Variants in ABLIM3 observed in about 807,000 individuals in gnomAD.
The protein encoded by ABLIM3 is actin-binding LIM protein 3.
In ABLIM3, 61 loss-of-function variants were observed where a neutral mutation model predicts 109.5. The ratio of observed to expected loss-of-function variants is 0.56; its 90% CI spans 0.45 to 0.69. The LOEUF (loss-of-function observed/expected upper bound fraction) is 0.69, where lower values mean the gene tolerates loss of function less well. ABLIM3 is among the 30% of genes least tolerant of loss of function. The pLI is 0.00. For synonymous variants in ABLIM3, 300 were observed against 324.8 expected, an observed-to-expected ratio of 0.92 and a Z score of 0.82; for missense variants, 796 against 889.5, an observed-to-expected ratio of 0.89 and a Z score of 1.34.
At position 149,207,121 on chromosome 5, in the gene ABLIM3, G is replaced by A. The variant is rs267600482; in HGVS notation, c.562G>A (p.Glu188Lys). ...GACCTGCAGCGTCATCCTCACCGGG[G>A]AGTATATCAGCAAGTGGGTCCCCCT... The part of the protein sequence containing the change: ...CQTCSVILTG[E>K]YISKDGVPYC... The change falls in exon 6 of 24, where the codon GAG becomes AAG. Residue 188 changes from glutamate to lysine, a missense_variant. Transcript: ENST00000309868. The A allele has an allele frequency of 6.2e-7, 1 of 1,613,658 alleles. No individual in the cohort carries two copies. Among genetic ancestry groups the A allele is most frequent in the Non-Finnish European group, 8.5e-7 (1 of 1,179,780 alleles).
At chr5:149,253,895 A>T (rs1225411035) in intron 23 of ABLIM3, among the ~76,000 whole-genome samples, 1 of 152,192 alleles carries the variant, frequency 6.6e-6, no homozygotes, top group Non-Finnish European at 1.5e-5. Flanking sequence ...TTTATAAAGA[A>T]AAAAAGGTTT....
At position 149,216,617 on chromosome 5, in the gene ABLIM3, C is replaced by T. The variant is rs186525025; in HGVS notation, c.670-342C>T. On this transcript the variant is annotated intron_variant, in intron 7 of 23. Transcript: ENST00000309868. Reference sequence around the variant, plus strand: ...TAACATTAGTGGTAAGGGCCTCTCACTTGGGGAAATGCTGGGATGTCCTCA... The same window carrying T: ...TAACATTAGTGGTAAGGGCCTCTCATTTGGGGAAATGCTGGGATGTCCTCA... The T allele has an allele frequency of 1.2e-4, 29 of 249,370 alleles. 1 individual carries two copies. In the Admixed American group the frequency reaches 1.3e-3, roughly 11 times the overall value. 15.4% of individuals were successfully genotyped at this position (249,370 alleles called of 1,614,324 possible).
At chr5:149,200,477 G>A (rs1261772514) in intron 5 of ABLIM3, 49 bp downstream of exon 5, 3 of 1,583,384 alleles carry the variant, frequency 1.9e-6, no homozygotes, top group African/African-American at 1.3e-5. Context: ...TGATCTCTCT[G>A]GGCTCCCCTT....
At chr5:149,175,167 C>T (rs6871775) in intron 2 of ABLIM3, among the ~76,000 whole-genome samples, 46,435 of 152,026 alleles carry the variant, frequency 0.31, 7,389 homozygotes, top group East Asian at 0.51. Context: ...TTCTTTATTC[C>T]TCAGATACTT....
At chr5:149,151,269 GGGACACCCGTCACATTGGATTA>G in intron 2 of ABLIM3, among the ~76,000 whole-genome samples, 1 of 152,228 alleles carries the variant, frequency 6.6e-6, no homozygotes, top group East Asian at 1.9e-4. Context: ...CCCTTCCACA[GGGACACCCGTCACATTGGATTA>G]GGACCCATCT....
At chr5:149,239,927 A>G in intron 13 of ABLIM3, 39 bp downstream of exon 13, 1 of 1,572,884 alleles carries the variant, frequency 6.4e-7, no homozygotes, top group East Asian at 2.4e-5. Context: ...AGGAAGAGCC[A>G]GGGAGACAAT....
intron 5 of ABLIM3, among the ~76,000 whole-genome samples, chr5:149,204,843 G>C (rs2127505260): frequency 6.6e-6 from 1 of 152,310 alleles, no homozygotes; most frequent in South Asian, 2.1e-4. Context: ...TCTCAGCCCA[G>C]CCTCTAACCA....
At chr5:149,254,901 T>C (rs938466743) in intron 23 of ABLIM3, among the ~76,000 whole-genome samples, 1 of 152,144 alleles carries the variant, frequency 6.6e-6, no homozygotes, top group African/African-American at 2.4e-5. Context: ...TCTAGAACTT[T>C]TTAAAAGCAC....
At chr5:149,153,621 G>A (rs979156467) in intron 2 of ABLIM3, among the ~76,000 whole-genome samples, 8 of 152,196 alleles carry the variant, frequency 5.3e-5, no homozygotes, top group African/African-American at 1.2e-4. Flanking sequence ...TGATCAGCCC[G>A]TATATTCCCA....
chr5:149,154,192 G>T (rs558135173), intron 2 of ABLIM3, among the ~76,000 whole-genome samples: 1 of 152,310 alleles, frequency 6.6e-6, no homozygotes, highest in South Asian at 2.1e-4. Context: ...GCAGCCCAAG[G>T]TCTATTCCTA....
At chr5:149,166,696 C>T (rs1754869227) in intron 2 of ABLIM3, among the ~76,000 whole-genome samples, 1 of 152,240 alleles carries the variant, frequency 6.6e-6, no homozygotes, top group South Asian at 2.1e-4. Flanking sequence ...TTTTACTGAA[C>T]TCTTTGCCTT....
Position 149,246,277 on chromosome 5 carries a change from C to T in ABLIM3, c.1487-205C>T, listed in dbSNP as rs182698724. ...TAACCAAGTGGGCAGTGATCCATCC[C>T]CACAGGAGAGGAGTGTTCAGAGACC... On this transcript the variant is annotated intron_variant, in intron 16 of 23. Coordinates refer to ENST00000309868, the MANE Select transcript of ABLIM3 (RefSeq NM_014945.5). Among the ~76,000 whole-genome samples, 626 of 152,186 alleles carry T rather than the reference C, an allele frequency of 4.1e-3. 3 individuals are homozygous for T. The highest frequency in any genetic ancestry group is 0.014 in the African/African-American group (595 of 41,512).
chr5:149,250,057 AG>A (rs1753774630), intron 19 of ABLIM3, among the ~76,000 whole-genome samples: 1 of 152,160 alleles, frequency 6.6e-6, no homozygotes, highest in East Asian at 1.9e-4. Context: ...ATGGTCCCAG[AG>A]GAAAAAAAGT....
chr5:149,219,173 G>T (rs1760394034), intron 8 of ABLIM3: 1 of 152,170 alleles, frequency 6.6e-6, no homozygotes, highest in African/African-American at 2.4e-5. Context: ...GCATTGTAGG[G>T]TATTTGGTAC....
intron 8 of ABLIM3, among the ~76,000 whole-genome samples, chr5:149,227,057 C>A (rs984699059): frequency 8.0e-6 from 1 of 124,476 alleles, no homozygotes; most frequent in Non-Finnish European, 1.6e-5. Context: ...GCAATAAGAG[C>A]GAAACTCCAT....
intron 2 of ABLIM3, among the ~76,000 whole-genome samples, chr5:149,180,620 C>T (rs920421428): frequency 6.6e-6 from 1 of 151,450 alleles, no homozygotes; most frequent in Non-Finnish European, 1.5e-5. Context: ...GAAGAACTCA[C>T]ACCAACTGTA....
Position 149,198,308 on chromosome 5 carries a change from C to T in ABLIM3, c.241C>T (p.Arg81Cys), listed in dbSNP as rs754389834. The change falls in exon 4 of 24, where the codon CGC becomes TGC. Residue 81 changes from arginine to cysteine, a missense_variant. Physicochemically the swap from Arg to Cys is radical, Grantham distance 180 (BLOSUM62 -3). Transcript: ENST00000309868. The surrounding 1 kb of genome is among the most constrained non-coding windows in gnomAD (Gnocchi z 4.2). ...TQDYQQLYGT[R>C]CDSCRDFITG... ...GGACTACCAGCAACTCTATGGCACC[C>T]GCTGTGACAGCTGCCGGGACTTCAT... is the stretch of plus-strand genomic sequence containing the variant. 1.9e-5 allele frequency: 30 copies of T among 1,614,090 alleles called. No homozygotes were observed. Among genetic ancestry groups the T allele is most frequent in the Middle Eastern group, 3.3e-4 (2 of 6,084 alleles).
intron 2 of ABLIM3, among the ~76,000 whole-genome samples, chr5:149,150,004 A>G (rs1158635039): frequency 6.6e-6 from 1 of 152,196 alleles, no homozygotes; most frequent in African/African-American, 2.4e-5. Context: ...GGAAAGAACT[A>G]GGAGGATAAA....
At chr5:149,234,035 T>G (rs1019547274) in intron 10 of ABLIM3, among the ~76,000 whole-genome samples, 4 of 152,198 alleles carry the variant, frequency 2.6e-5, no homozygotes, top group Admixed American at 6.5e-5. Flanking sequence ...GAAATGGTGA[T>G]GAACTACACA....
Sources: gnomAD v4.1 joint callset for allele counts (sites outside exome capture counted in the v4.1 genomes callset) on GRCh38, gnomAD v4.1.1 for gene constraint, Gnocchi (gnomAD v3.1) non-coding constraint, MANE v1.5 for transcripts, NCBI Gene and HGNC (gene_info 2026-07-23, HGNC 2026-07-21) for gene names.